The following GRID2 variants were observed in gnomAD, a reference collection of about 807,000 sequenced individuals.
GRID2 encodes glutamate receptor ionotropic, delta-2.
GRID2 carries 33 observed loss-of-function variants against 114.8 expected under a neutral mutation model. The ratio of observed to expected loss-of-function variants is 0.29; its 90% CI spans 0.22 to 0.38. GRID2 has a LOEUF of 0.38. Among genes scored for constraint, GRID2 ranks in the 10% least tolerant of loss-of-function variants. The probability of loss-of-function intolerance (pLI) is 1.00; values close to 1 mark genes in which losing one functional copy is unlikely to be tolerated. For synonymous variants in GRID2, 505 were observed against 449.9 expected (o/e 1.12, Z -1.55); for missense variants, 1,184 against 1,257.7 (o/e 0.94, Z 0.89).
chr4:93,124,019 G>T (rs1051237511), intron 4 of GRID2, among the ~76,000 whole-genome samples: 1 of 151,018 alleles, frequency 6.6e-6, no homozygotes, highest in Non-Finnish European at 1.5e-5. Context: ...TGACACGTTA[G>T]TGGGTGCAGC....
At chr4:93,382,549 T>C (rs946800166) in intron 8 of GRID2, among the ~76,000 whole-genome samples, 2 of 152,058 alleles carry the variant, frequency 1.3e-5, no homozygotes, top group Non-Finnish European at 2.9e-5. Flanking sequence ...ATTTCACTTG[T>C]ACTTTTTAGC....
At chr4:93,704,236 C>G (rs1727788032) in intron 14 of GRID2, among the ~76,000 whole-genome samples, 1 of 152,198 alleles carries the variant, frequency 6.6e-6, no homozygotes, top group African/African-American at 2.4e-5. Context: ...TTGCATTTCT[C>G]TGATGGCCAG....
chr4:93,105,063 G>C (rs1374213113), intron 3 of GRID2, among the ~76,000 whole-genome samples: 1 of 152,044 alleles, frequency 6.6e-6, no homozygotes, highest in East Asian at 1.9e-4. Flanking sequence ...GGCCAGTGAT[G>C]ATGAGCATTT....
intron 2 of GRID2, among the ~76,000 whole-genome samples, chr4:93,046,480 C>A (rs1470744554): frequency 6.6e-6 from 1 of 152,072 alleles, no homozygotes; most frequent in African/African-American, 2.4e-5. Flanking sequence ...ATCTTAGCCA[C>A]CTTGTTGTAT....
At chr4:92,789,595 T>C (rs1739480639) in intron 2 of GRID2, among the ~76,000 whole-genome samples, 1 of 151,888 alleles carries the variant, frequency 6.6e-6, no homozygotes, top group Non-Finnish European at 1.5e-5. Flanking sequence ...CATTTCTGTG[T>C]TTGTTATTTC....
At chr4:93,353,960 C>A (rs1761053887) in intron 8 of GRID2, among the ~76,000 whole-genome samples, 1 of 151,906 alleles carries the variant, frequency 6.6e-6, no homozygotes, top group South Asian at 2.1e-4. Context: ...TTGAAATTGA[C>A]ATTGTTGAAT....
At chr4:93,227,172 G>C (rs182234636) in intron 7 of GRID2, among the ~76,000 whole-genome samples, 1 of 152,026 alleles carries the variant, frequency 6.6e-6, no homozygotes, top group Non-Finnish European at 1.5e-5. Flanking sequence ...TCGCTCCTTT[G>C]TAGCCATGTT....
At chr4:92,718,415 A>C (rs1735647032) in intron 2 of GRID2, among the ~76,000 whole-genome samples, 1 of 152,084 alleles carries the variant, frequency 6.6e-6, no homozygotes, top group South Asian at 2.1e-4. Context: ...AAAGATACAA[A>C]ATTTTAAATA....
intron 11 of GRID2, among the ~76,000 whole-genome samples, chr4:93,459,522 G>A (rs912455286): frequency 6.6e-6 from 1 of 152,116 alleles, no homozygotes; most frequent in Non-Finnish European, 1.5e-5. Flanking sequence ...GAATAAATAA[G>A]GAAGGATGAC....
At chr4:93,163,146 A>G (rs1737844832) in intron 4 of GRID2, among the ~76,000 whole-genome samples, 1 of 151,606 alleles carries the variant, frequency 6.6e-6, no homozygotes, top group East Asian at 1.9e-4. Flanking sequence ...AATATCTTAG[A>G]ATTAATATTA....
intron 2 of GRID2, among the ~76,000 whole-genome samples, chr4:92,997,855 C>T (rs1194232083): frequency 1.3e-5 from 2 of 152,038 alleles, no homozygotes; most frequent in Non-Finnish European, 2.9e-5. Context: ...GAAAATCTAA[C>T]TCTTAGTGGC....
At chr4:93,564,325 T>C (rs1735205615) in intron 13 of GRID2, among the ~76,000 whole-genome samples, 1 of 150,248 alleles carries the variant, frequency 6.7e-6, no homozygotes, top group Admixed American at 6.6e-5. Context: ...TTATTTTGTT[T>C]CATTTTCCTT....
rs2149224878 is a variant in GRID2 at position 93,329,490 on chromosome 4, T to C, written c.1246-66117T>C. The stretch of plus-strand genomic sequence containing the variant: ...GTCATGTTATCAATACATTAGGTCA[T>C]GCTATCATGAAAGAAAACTAATAAT... On this transcript the variant is annotated intron_variant, in intron 8 of 15. Coordinates refer to ENST00000282020, the MANE Select transcript of GRID2 (RefSeq NM_001510.4). 1.3e-5 allele frequency among the ~76,000 whole-genome samples: 2 copies of C among 152,246 alleles called. 1 individual carries two copies. The highest frequency in any genetic ancestry group is 2.9e-5 in the Non-Finnish European group (2 of 67,990).
chr4:92,702,847 TAAG>T (rs1041648575), intron 2 of GRID2, among the ~76,000 whole-genome samples: 1 of 152,110 alleles, frequency 6.6e-6, no homozygotes, highest in African/African-American at 2.4e-5. Context: ...TACAAATTGG[TAAG>T]AAGGAGTCTT....
intron 1 of GRID2, among the ~76,000 whole-genome samples, chr4:92,341,229 G>C: frequency 6.6e-6 from 1 of 152,010 alleles, no homozygotes; most frequent in East Asian, 1.9e-4. Flanking sequence ...TTATCAGTCT[G>C]CTAGCACACT....
chr4:92,985,068 CTG>C (rs901637486), intron 2 of GRID2, among the ~76,000 whole-genome samples: 6 of 152,058 alleles, frequency 3.9e-5, no homozygotes, highest in African/African-American at 1.4e-4. Context: ...GTTTTTGAGA[CTG>C]TAACAACAGC....
Position 93,398,133 on chromosome 4 carries a change from G to GTGTGTGTGTATGTGTATATATATA in GRID2, c.1347+2426_1347+2427insGTGTGTGTATGTGTATATATATAT. ...GAAATACATACATGTATGTGTGTGT[G>GTGTGTGTGTATGTGTATATATATA]TATATATATATATATATATCTTATC... is the stretch of plus-strand genomic sequence containing the variant. On this transcript the variant is annotated intron_variant, in intron 9 of 15. Transcript: ENST00000282020. Among the ~76,000 whole-genome samples, 27 of 122,354 alleles carry GTGTGTGTGTATGTGTATATATATA rather than the reference G, an allele frequency of 2.2e-4. 1 individual carries two copies. The highest frequency in any genetic ancestry group is 1.0e-3 in the African/African-American group (26 of 25,920). 80.3% of individuals were successfully genotyped at this position (122,354 alleles called of 152,430 possible).
chr4:92,797,793 C>T (rs1739963244), intron 2 of GRID2, among the ~76,000 whole-genome samples: 1 of 151,848 alleles, frequency 6.6e-6, no homozygotes, highest in Admixed American at 6.6e-5. Flanking sequence ...AAACTCTGTG[C>T]ACAGACTGGA....
intron 14 of GRID2, among the ~76,000 whole-genome samples, chr4:93,676,116 C>A (rs987935308): frequency 6.6e-6 from 1 of 152,144 alleles, no homozygotes; most frequent in Non-Finnish European, 1.5e-5. Flanking sequence ...GTATTGATTG[C>A]CACTAATGCT....
Sources: allele counts gnomAD v4.1 joint callset (sites outside exome capture counted in the v4.1 genomes callset), GRCh38; gene constraint gnomAD v4.1.1; transcripts MANE v1.5; gene names NCBI Gene and HGNC (gene_info 2026-07-23, HGNC 2026-07-21).